The following DIAPH2 variants were observed in gnomAD, a reference collection of about 807,000 sequenced individuals.
DIAPH2 encodes protein diaphanous homolog 2.
In DIAPH2, 35 loss-of-function variants were observed where a neutral mutation model predicts 92.7. That is an observed-to-expected ratio of 0.38 (90% CI 0.29 to 0.50). The LOEUF (loss-of-function observed/expected upper bound fraction) is 0.50. Among genes scored for constraint, DIAPH2 ranks in the 20% least tolerant of loss-of-function variants. The probability of loss-of-function intolerance (pLI) is 0.94; values close to 1 mark genes in which losing one functional copy is unlikely to be tolerated. For missense variants in DIAPH2, 701 were observed against 819.5 expected (o/e 0.86, Z 1.77); for synonymous variants, 301 against 280.4 (o/e 1.07, Z -0.73).
chrX:97,111,299 A>G (rs925813346), intron 20 of DIAPH2, among the ~76,000 whole-genome samples: 1 of 112,397 alleles, frequency 8.9e-6, no homozygotes, highest in Non-Finnish European at 1.9e-5. Context: ...CAGTCAGCTC[A>G]CATGACAGTT....
chrX:96,707,906 A>G (rs2063895707), intron 1 of DIAPH2, among the ~76,000 whole-genome samples: 1 of 111,398 alleles, frequency 9.0e-6, no homozygotes, highest in Non-Finnish European at 1.9e-5. Flanking sequence ...TTCTTTTTTT[A>G]TATCTCCAAG....
intron 22 of DIAPH2, among the ~76,000 whole-genome samples, chrX:97,147,482 C>A (rs1024993712): frequency 1.4e-4 from 15 of 110,622 alleles, no homozygotes; most frequent in African/African-American, 4.9e-4. Flanking sequence ...TTTTTTCCCC[C>A]TGTGGCTATC....
intron 26 of DIAPH2, among the ~76,000 whole-genome samples, chrX:97,476,404 AGAG>A (rs1170427677): frequency 8.9e-6 from 1 of 112,058 alleles, no homozygotes; most frequent in African/African-American, 3.2e-5. Flanking sequence ...TGGCAAATGT[AGAG>A]GCACGCTAAA....
At chrX:97,268,327 C>T (rs1362063703) in intron 23 of DIAPH2, among the ~76,000 whole-genome samples, 2 of 112,534 alleles carry the variant, frequency 1.8e-5, no homozygotes, top group Admixed American at 9.4e-5. Flanking sequence ...TTATACTCTA[C>T]CTACTTCCGA....
intron 1 of DIAPH2, among the ~76,000 whole-genome samples, chrX:96,714,535 A>T (rs780657936): frequency 9.0e-6 from 1 of 111,467 alleles, no homozygotes; most frequent in Non-Finnish European, 1.9e-5. Flanking sequence ...AAGTGCTGGG[A>T]TTACAGGCAT....
chrX:97,560,313 A>G lies in DIAPH2; in HGVS notation c.3242-38940A>G, dbSNP rs760983489. ...TGTGGCAGGCGCCATGTTAGGTATTAAGAAATACAAAGATATAGAATACAA... is the reference window on the plus strand; with the variant it reads ...TGTGGCAGGCGCCATGTTAGGTATTGAGAAATACAAAGATATAGAATACAA... On this transcript the variant is annotated intron_variant, in intron 26 of 26. Coordinates refer to ENST00000324765, the MANE Select transcript of DIAPH2 (RefSeq NM_006729.5). Among the ~76,000 whole-genome samples the G allele has an allele frequency of 1.4e-4, 16 of 112,016 alleles. No homozygotes were observed. In the South Asian group the frequency reaches 3.4e-3, roughly 24 times the overall value.
intron 22 of DIAPH2, among the ~76,000 whole-genome samples, chrX:97,244,138 C>T (rs966347548): frequency 1.8e-5 from 2 of 111,831 alleles, no homozygotes; most frequent in Non-Finnish European, 3.8e-5. Flanking sequence ...TGGAGTAGAG[C>T]TCTGGAGAGA....
At chrX:97,388,462 C>A (rs1420396972) in intron 25 of DIAPH2, among the ~76,000 whole-genome samples, 1 of 111,783 alleles carries the variant, frequency 8.9e-6, no homozygotes, top group Admixed American at 9.5e-5. Context: ...AGCAATCCTC[C>A]TCCCTCAGCC....
intron 23 of DIAPH2, among the ~76,000 whole-genome samples, chrX:97,320,495 C>T (rs971743014): frequency 9.0e-6 from 1 of 110,859 alleles, no homozygotes; most frequent in African/African-American, 3.3e-5. Flanking sequence ...GGGCGGATCA[C>T]CTGAGGTCAG....
rs371333697 is a variant in DIAPH2 at position 97,177,354 on chromosome X, T to C, written c.2719+35560T>C. On this transcript the variant is annotated intron_variant, in intron 22 of 26. Transcript: ENST00000324765. The stretch of plus-strand genomic sequence containing the variant: ...AGCACATGGCAAAAAAAGTGGTTTA[T>C]ATAGGATTGGACCCTAGTTTTCTTC... Among the ~76,000 whole-genome samples, 104 of 112,022 alleles carry C rather than the reference T, an allele frequency of 9.3e-4. 1 individual carries two copies. In the South Asian group the frequency reaches 0.036, roughly 38 times the overall value.
chrX:97,506,690 G>A (rs960615502), intron 26 of DIAPH2, among the ~76,000 whole-genome samples: 1 of 110,434 alleles, frequency 9.1e-6, no homozygotes, highest in Non-Finnish European at 1.9e-5. Flanking sequence ...CGAGTGTCAC[G>A]TTATTTGGTC....
chrX:97,409,553 G>T (rs760949610), intron 25 of DIAPH2, among the ~76,000 whole-genome samples: 1 of 111,574 alleles, frequency 9.0e-6, no homozygotes, highest in Non-Finnish European at 1.9e-5. Context: ...AGTGCGAGCC[G>T]AAGCAGGGCA....
At chrX:96,782,597 C>T (rs1602503131) in intron 4 of DIAPH2, among the ~76,000 whole-genome samples, 2 of 111,322 alleles carry the variant, frequency 1.8e-5, no homozygotes, top group Admixed American at 1.9e-4. Flanking sequence ...CCGCGCCCGG[C>T]CTTGTTTTGT....
At chrX:97,244,887 G>A (rs1243109814) in intron 22 of DIAPH2, among the ~76,000 whole-genome samples, 2 of 111,146 alleles carry the variant, frequency 1.8e-5, no homozygotes, top group Non-Finnish European at 3.8e-5. Flanking sequence ...TCAGGAGATC[G>A]AGACCATCCT....
chrX:96,836,293 T>C (rs1452379431), intron 4 of DIAPH2, among the ~76,000 whole-genome samples: 1 of 109,680 alleles, frequency 9.1e-6, no homozygotes, highest in Non-Finnish European at 1.9e-5. Flanking sequence ...GTCTTTGCCT[T>C]ATAGGATTAT....
intron 26 of DIAPH2, among the ~76,000 whole-genome samples, chrX:97,559,350 C>T (rs1022140365): frequency 9.1e-6 from 1 of 110,387 alleles, no homozygotes; most frequent in African/African-American, 3.3e-5. Flanking sequence ...ATTAGCTGGG[C>T]GTGGTGGTGC....
chrX:97,284,542 G>A lies in DIAPH2; in HGVS notation c.2844+36703G>A, dbSNP rs952461970. On this transcript the variant is annotated intron_variant, in intron 23 of 26. Transcript: ENST00000324765. The stretch of plus-strand genomic sequence containing the variant: ...AGAGAATCGCTTGAACCCGGGAGGC[G>A]GAGGTTGTGGTGAGCCGAGATCGCG... 3.7e-5 allele frequency among the ~76,000 whole-genome samples: 4 copies of A among 108,674 alleles called. No individual in the cohort carries two copies. The East Asian group carries it at 8.6e-4, about 23-fold the overall frequency. 94.4% of individuals were successfully genotyped at this position (108,674 alleles called of 115,157 possible). A position where few individuals can be genotyped will look rare whatever the true frequency, so the allele number is the denominator to read the frequency against.
intron 4 of DIAPH2, among the ~76,000 whole-genome samples, chrX:96,804,909 C>T (rs1018473245): frequency 8.1e-5 from 9 of 111,049 alleles, no homozygotes; most frequent in African/African-American, 2.9e-4. Context: ...TTGAGAAAAG[C>T]ATATAATTTA....
chrX:96,946,688 T>A (rs2065739990), intron 14 of DIAPH2, among the ~76,000 whole-genome samples: 1 of 111,942 alleles, frequency 8.9e-6, no homozygotes, highest in African/African-American at 3.2e-5. Context: ...AAGTAGCACA[T>A]TTAAAATTCC....
Sources: gnomAD v4.1 joint callset for allele counts (sites outside exome capture counted in the v4.1 genomes callset) on GRCh38, gnomAD v4.1.1 for gene constraint, MANE v1.5 for transcripts, NCBI Gene and HGNC (gene_info 2026-07-23, HGNC 2026-07-21) for gene names.